GLCE: variants seen among roughly 807,000 people sequenced by gnomAD.
GLCE encodes the protein D-glucuronyl C5-epimerase.
Under a neutral mutation model 47.9 loss-of-function variants are expected in GLCE, and 19 were observed. That is an observed-to-expected ratio of 0.40 (90% confidence interval 0.28 to 0.58). The LOEUF (loss-of-function observed/expected upper bound fraction) is 0.58, where lower values mean the gene tolerates loss of function less well. Ranked by LOEUF, GLCE falls within the 20% of genes least tolerant of loss-of-function variation. GLCE has a pLI of 0.48. For missense variants in GLCE, 556 were observed against 743.3 expected, an observed-to-expected ratio of 0.75 and a Z score of 2.93; for synonymous variants, 245 against 263.4, an observed-to-expected ratio of 0.93 and a Z score of 0.68.
At position 69,169,728 on chromosome 15, in the gene GLCE, C is replaced by A. The variant is rs1170657413; in HGVS notation, c.-105+8971C>A. 3.3e-5 allele frequency among the ~76,000 whole-genome samples: 5 copies of A among 152,174 alleles called. No individual in the cohort carries two copies. In the East Asian group the frequency reaches 9.7e-4, roughly 29 times the overall value. On this transcript the variant is annotated intron_variant, in intron 1 of 4. Transcript: ENST00000261858. The stretch of plus-strand genomic sequence containing the variant: ...TCCCTACAAAGGACATGAACTCATC[C>A]TTTTTTATTGCTGCATAGTGTTCCA...
chr15:69,180,019 C>A (rs565030664), intron 1 of GLCE, among the ~76,000 whole-genome samples: 10 of 151,536 alleles, frequency 6.6e-5, no homozygotes, highest in Non-Finnish European at 1.5e-4. Context: ...GCCAAAAGAA[C>A]GTATTTATTG....
chr15:69,199,059 C>T (rs1399796674), intron 1 of GLCE, among the ~76,000 whole-genome samples: 1 of 152,058 alleles, frequency 6.6e-6, no homozygotes, highest in Non-Finnish European at 1.5e-5. Context: ...TGGTAGTGTA[C>T]ATTTGTAAGA....
At chr15:69,161,703 T>C (rs553606519) in intron 1 of GLCE, among the ~76,000 whole-genome samples, 2 of 152,300 alleles carry the variant, frequency 1.3e-5, no homozygotes, top group African/African-American at 2.4e-5. Context: ...TGTTGCCTAG[T>C]TGAAGAAGCA....
At chr15:69,210,818 C>A (rs755822853) in intron 2 of GLCE, among the ~76,000 whole-genome samples, 23 of 152,058 alleles carry the variant, frequency 1.5e-4, no homozygotes, top group Non-Finnish European at 2.8e-4. Context: ...ACAGTCACAC[C>A]CACTTAATAC....
chr15:69,257,630 GCACTGTGC>G (rs1164107866), intron 3 of GLCE, among the ~76,000 whole-genome samples: 1 of 152,108 alleles, frequency 6.6e-6, no homozygotes, highest in East Asian at 1.9e-4. Context: ...CAAACATGAG[GCACTGTGC>G]CTGGCCAATA....
At position 69,268,925 on chromosome 15, in the gene GLCE, T is replaced by G; in HGVS notation, c.1535T>G (p.Phe512Cys). 6.2e-7 allele frequency: 1 copy of G among 1,614,060 alleles called. No individual in the cohort carries two copies. Among genetic ancestry groups the G allele is most frequent in the South Asian group, 1.1e-5 (1 of 91,076 alleles). Residue 512 changes from phenylalanine (F) to cysteine (C), a missense_variant, in exon 5 of 5, where the codon TTT becomes TGT. This residue lies in a region of GLCE where 245 missense variants were observed against 368.1 expected (regional missense o/e 0.67). Coordinates refer to ENST00000261858, the MANE Select transcript of GLCE (RefSeq NM_015554.3). The stretch of plus-strand genomic sequence containing the variant: ...CCTAGCTCTTTTGTTTTAAATGGCT[T>G]TATGTATTCTTTAATTGGGCTGTAT... The part of the protein sequence containing the change: ...TTPSSFVLNG[F>C]MYSLIGLYDL...
At chr15:69,183,674 C>T (rs147746581) in intron 1 of GLCE, among the ~76,000 whole-genome samples, 2 of 152,358 alleles carry the variant, frequency 1.3e-5, no homozygotes, top group Non-Finnish European at 2.9e-5. Flanking sequence ...TAAAAACCTG[C>T]TGGTAACAAA....
In GLCE at chr15:69,210,332, T is replaced by G. The variant is rs927894457; in HGVS notation, c.-88T>G. The G allele has an allele frequency of 2.0e-5, 3 of 152,114 alleles. No individual in the cohort carries two copies. Among genetic ancestry groups the G allele is most frequent in the African/African-American group, 7.2e-5 (3 of 41,444 alleles). The allele number at this position is 152,114 out of a possible 1,614,324, so 9.4% of individuals were successfully genotyped here. A position where few individuals can be genotyped will look rare whatever the true frequency, so the allele number is the denominator to read the frequency against. On this transcript the variant is annotated 5_prime_UTR_variant, in exon 2 of 5. Transcript: ENST00000261858. Reference sequence around the variant, plus strand: ...TTTCTCTAGGAATTTGACAAGAAACTGAAGTTTTGATTCAGATATATTTTG... The same window carrying G: ...TTTCTCTAGGAATTTGACAAGAAACGGAAGTTTTGATTCAGATATATTTTG...
At chr15:69,162,479 C>G in intron 1 of GLCE, among the ~76,000 whole-genome samples, 1 of 151,528 alleles carries the variant, frequency 6.6e-6, no homozygotes, top group East Asian at 1.9e-4. Context: ...GGTTAACAGA[C>G]AAATTTGAGT....
intron 4 of GLCE, among the ~76,000 whole-genome samples, chr15:69,267,060 C>G (rs528156073): frequency 6.6e-6 from 1 of 152,250 alleles, no homozygotes; most frequent in South Asian, 2.1e-4. Context: ...TGTTCTTATT[C>G]TTGCTGCTGC....
At chr15:69,262,628 G>A (rs2053029881) in intron 4 of GLCE, among the ~76,000 whole-genome samples, 1 of 152,110 alleles carries the variant, frequency 6.6e-6, no homozygotes, top group Admixed American at 6.6e-5. Flanking sequence ...ACTTTTGGGT[G>A]CTTTGAGTAA....
At chr15:69,253,157 TA>T (rs1315612635) in intron 2 of GLCE, among the ~76,000 whole-genome samples, 1 of 152,178 alleles carries the variant, frequency 6.6e-6, no homozygotes, top group Non-Finnish European at 1.5e-5. Flanking sequence ...CTTTCACCCC[TA>T]CACTTGAATA....
At chr15:69,218,510 C>G (rs1174907103) in intron 2 of GLCE, among the ~76,000 whole-genome samples, 1 of 151,988 alleles carries the variant, frequency 6.6e-6, no homozygotes, top group Non-Finnish European at 1.5e-5. Flanking sequence ...AGAAAACAAA[C>G]AGAAAAAGAA....
chr15:69,212,630 G>A lies in GLCE; in HGVS notation c.-14+2224G>A, dbSNP rs2052248555. Among the ~76,000 whole-genome samples, 3 of 152,102 alleles carry A rather than the reference G, an allele frequency of 2.0e-5. No homozygotes were observed. In the South Asian group the frequency reaches 6.2e-4, roughly 32 times the overall value. On this transcript the variant is annotated intron_variant, in intron 2 of 4. Coordinates refer to ENST00000261858, the MANE Select transcript of GLCE (RefSeq NM_015554.3). The stretch of plus-strand genomic sequence containing the variant: ...ATGGACTTGATTTGGAATTTTCTCT[G>A]TTCATGTCTTTGAAGGTATTCAGAC...
intron 2 of GLCE, among the ~76,000 whole-genome samples, chr15:69,254,186 G>A (rs2052888565): frequency 6.6e-6 from 1 of 152,206 alleles, no homozygotes. Flanking sequence ...CAGAGCTCCT[G>A]TGGCAAACGG....
intron 3 of GLCE, among the ~76,000 whole-genome samples, chr15:69,258,427 T>A (rs1369316720): frequency 6.6e-6 from 1 of 152,226 alleles, no homozygotes; most frequent in Non-Finnish European, 1.5e-5. Flanking sequence ...ACTTAACATG[T>A]TTCAACTATT....
At chr15:69,220,519 G>C (rs72754397) in intron 2 of GLCE, among the ~76,000 whole-genome samples, 6 of 151,916 alleles carry the variant, frequency 3.9e-5, no homozygotes, top group Admixed American at 2.0e-4. Flanking sequence ...ATTTGTGTTC[G>C]TTAATGATTT....
chr15:69,216,632 A>G (rs182207910), intron 2 of GLCE, among the ~76,000 whole-genome samples: 75 of 152,164 alleles, frequency 4.9e-4, no homozygotes, highest in Non-Finnish European at 9.3e-4. Flanking sequence ...AGGCCTTTCT[A>G]TTTGTTTGCT....
chr15:69,232,850 A>T (rs1482156760), intron 2 of GLCE, among the ~76,000 whole-genome samples: 4 of 152,210 alleles, frequency 2.6e-5, no homozygotes, highest in Non-Finnish European at 5.9e-5. Context: ...ATGCAGCAGC[A>T]AGGACCTGTA....
Sources: allele counts gnomAD v4.1 joint callset (sites outside exome capture counted in the v4.1 genomes callset), GRCh38; gene constraint gnomAD v4.1.1; regional missense constraint gnomAD v4.1.1; transcripts MANE v1.5; gene names NCBI Gene and HGNC (gene_info 2026-07-23, HGNC 2026-07-21).